Variants in STK36 observed in about 807,000 individuals in gnomAD.
STK36 encodes serine/threonine kinase 36.
In STK36, 116 loss-of-function variants were observed where a neutral mutation model predicts 142.2. The ratio of observed to expected loss-of-function variants is 0.82; its 90% CI spans 0.70 to 0.95. The LOEUF is 0.95. STK36 is among the 40% of genes least tolerant of loss of function. The pLI, the probability that STK36 is intolerant of heterozygous loss-of-function variation, is 0.00. For synonymous variants in STK36, 619 were observed against 641.7 expected (o/e 0.96, Z 0.53); for missense variants, 1,422 against 1,617.2 (o/e 0.88, Z 2.07).
chr2:218,700,620 T>C (rs190051157), intron 26 of STK36, among the ~76,000 whole-genome samples: 9,109 of 149,168 alleles, frequency 0.061, 915 homozygotes, highest in African/African-American at 0.21. Flanking sequence ...AGGCTGGTCT[T>C]GAACTCCTGA....
chr2:218,673,675 G>A lies in STK36; in HGVS notation c.135G>A (p.Leu45=). The change falls in exon 3 of 27, where the codon CTG becomes CTA. Residue 45 remains leucine (L), a synonymous_variant. Transcript: ENST00000295709. ...AATTGGGGCGCTCAGAGAAGGAGCT[G>A]AGGAATTTGCAACGAGAGATTGAAA... ...IPKLGRSEKE[L]RNLQREIEIM... is the part of the protein sequence containing the mutation. 1 of 1,614,212 alleles carries A rather than the reference G, an allele frequency of 6.2e-7. No individual in the cohort carries two copies. The highest frequency in any genetic ancestry group is 8.5e-7 in the Non-Finnish European group (1 of 1,180,034).
At position 218,694,584 on chromosome 2, in the gene STK36, GC is replaced by G. The variant is rs1941152488; in HGVS notation, c.2463del (p.Met822TrpfsTer19). On this transcript the variant is annotated frameshift_variant, in exon 21 of 27. Coordinates refer to ENST00000295709, the MANE Select transcript of STK36 (RefSeq NM_015690.5). LOFTEE classifies it high-confidence loss of function. The surrounding 1 kb of genome is among the most constrained non-coding windows in gnomAD (Gnocchi z 4.4). ...GQQGVTFDLQ[P>X]MEWMAAATHA... ...AGCAAGGGGTGACCTTTGACCTCCA[GC>G]CCATGGAATGGATGGCTGCAGCCAC... 2 of 1,614,114 alleles carry G rather than the reference GC, an allele frequency of 1.2e-6. No homozygotes were observed. The highest frequency in any genetic ancestry group is 1.3e-5 in the African/African-American group (1 of 74,942).
At chr2:218,680,784 C>T (rs1401158171) in intron 10 of STK36, 82 bp downstream of exon 10, 3 of 1,204,372 alleles carry the variant, frequency 2.5e-6, no homozygotes, top group Non-Finnish European at 3.6e-6. Flanking sequence ...AACAGTGATT[C>T]CCAACTCCCT....
Position 218,673,208 on chromosome 2 carries a change from A to G in STK36, c.84+295A>G, listed in dbSNP as rs550437041. 1.4e-3 allele frequency: 539 copies of G among 399,222 alleles called. 2 individuals carry two copies. Among genetic ancestry groups the G allele is most frequent in the African/African-American group, 0.01 (503 of 49,790 alleles). 24.7% of individuals were successfully genotyped at this position (399,222 alleles called of 1,614,324 possible). On this transcript the variant is annotated intron_variant, in intron 2 of 26. Transcript: ENST00000295709. ...GATTGATGGAGTTTGAGGATTAAAT[A>G]TGTTTTCACATTAAATCACTTAGTA...
At chr2:218,693,651 T>G (rs1374223845) in intron 17 of STK36, 72 bp from the exon 18 acceptor site, 3 of 1,411,892 alleles carry the variant, frequency 2.1e-6, no homozygotes, top group Non-Finnish European at 2.9e-6. Context: ...GGCCGGTGTT[T>G]CCGCTGAGCC....
At position 218,694,137 on chromosome 2, in the gene STK36, C is replaced by T; in HGVS notation, c.2337-127C>T. 8.6e-7 allele frequency: 1 copy of T among 1,160,892 alleles called. No homozygotes were observed. Among genetic ancestry groups the T allele is most frequent in the Admixed American group, 1.7e-5 (1 of 57,734 alleles). The allele number at this position is 1,160,892 out of a possible 1,614,324, so 71.9% of individuals were successfully genotyped here. A position where few individuals can be genotyped will look rare whatever the true frequency, so the allele number is the denominator to read the frequency against. ...CTCTACAAAGAACAGACCTAGACTCCCATCAACTTTGTGCCTTGGAGGTAG... is the reference window on the plus strand; with the variant it reads ...CTCTACAAAGAACAGACCTAGACTCTCATCAACTTTGTGCCTTGGAGGTAG... On this transcript the variant is annotated intron_variant, in intron 19 of 26. Transcript: ENST00000295709. This position sits in a 1 kb window ranked among gnomAD's most constrained non-coding sequence, Gnocchi z 4.4.
At chr2:218,675,577 T>G (rs917079811) in intron 5 of STK36, 104 bp downstream of exon 5, 324 of 1,360,130 alleles carry the variant, frequency 2.4e-4, no homozygotes, top group Non-Finnish European at 5.7e-5. Context: ...CAGGCTGAAG[T>G]GCAATGGTGC....
chr2:218,694,934 C>T lies in STK36; in HGVS notation c.2511+299C>T, dbSNP rs529417887. On this transcript the variant is annotated intron_variant, in intron 21 of 26. Transcript: ENST00000295709. The surrounding 1 kb of genome is among the most constrained non-coding windows in gnomAD (Gnocchi z 4.4). Reference sequence around the variant, plus strand: ...AGTAGTGTGAGAACCCTGCCTGCTTCGTTCTCCTCCTCCAGAAGCTCATGC... The same window carrying T: ...AGTAGTGTGAGAACCCTGCCTGCTTTGTTCTCCTCCTCCAGAAGCTCATGC... Among the ~76,000 whole-genome samples the T allele has an allele frequency of 1.0e-3, 159 of 152,172 alleles. No homozygotes were observed. Among genetic ancestry groups the T allele is most frequent in the Non-Finnish European group, 1.8e-3 (124 of 68,030 alleles).
intron 21 of STK36, among the ~76,000 whole-genome samples, chr2:218,695,429 T>G (rs1941193143): frequency 6.6e-6 from 1 of 151,516 alleles, no homozygotes; most frequent in South Asian, 2.1e-4. Flanking sequence ...TTTCTCCATG[T>G]TGGTCAGGCT....
chr2:218,695,975 T>C (rs566515760), intron 21 of STK36, among the ~76,000 whole-genome samples: 7 of 150,348 alleles, frequency 4.7e-5, no homozygotes, highest in African/African-American at 1.7e-4. Flanking sequence ...GCGATTCTCC[T>C]GCCTTATCCT....
Position 218,702,138 on chromosome 2 carries a change from C to T in STK36, c.*129C>T. The T allele has an allele frequency of 3.5e-6, 4 of 1,152,754 alleles. No homozygotes were observed. Among genetic ancestry groups the T allele is most frequent in the Non-Finnish European group, 4.8e-6 (4 of 835,192 alleles). 71.4% of individuals were successfully genotyped at this position (1,152,754 alleles called of 1,614,324 possible). Reference sequence around the variant, plus strand: ...GATAAGCTGCCAACTCAACTGAGAACAAGAAACTAGAAGAGATTTATATAT... The same window carrying T: ...GATAAGCTGCCAACTCAACTGAGAATAAGAAACTAGAAGAGATTTATATAT... On this transcript the variant is annotated 3_prime_UTR_variant, in exon 27 of 27. Transcript: ENST00000295709.
Position 218,694,377 on chromosome 2 carries a change from C to G in STK36, c.2400+50C>G, listed in dbSNP as rs745922452. 7 of 1,573,016 alleles carry G rather than the reference C, an allele frequency of 4.5e-6. No homozygotes were observed. Among genetic ancestry groups the G allele is most frequent in the Non-Finnish European group, 6.1e-6 (7 of 1,142,840 alleles). ...TCCCCTTTTCACCCTAGCATCTACC[C>G]CTTGTGGAAGTGGGGGAGTCACTAT... On this transcript the variant is annotated intron_variant, in intron 20 of 26. Transcript: ENST00000295709. The surrounding 1 kb of genome is among the most constrained non-coding windows in gnomAD (Gnocchi z 4.4).
intron 4 of STK36, among the ~76,000 whole-genome samples, chr2:218,674,162 C>T (rs1255929017): frequency 6.6e-6 from 1 of 152,226 alleles, no homozygotes; most frequent in East Asian, 1.9e-4. Context: ...CTTGGCTCTG[C>T]TCCTTCCTAG....
At position 218,672,091 on chromosome 2, in the gene STK36, G is replaced by A; in HGVS notation, c.-214G>A. The stretch of plus-strand genomic sequence containing the variant: ...ACCGCAGACTCCGGGTCCTTAGCCG[G>A]GCCTGATGGCCCTGAGGCAGTTCGG... On this transcript the variant is annotated 5_prime_UTR_variant, in exon 1 of 27. Coordinates refer to ENST00000295709, the MANE Select transcript of STK36 (RefSeq NM_015690.5). 8.0e-7 allele frequency: 1 copy of A among 1,249,618 alleles called. No individual in the cohort carries two copies. Among genetic ancestry groups the A allele is most frequent in the Non-Finnish European group, 1.1e-6 (1 of 869,990 alleles). 77.4% of individuals were successfully genotyped at this position (1,249,618 alleles called of 1,614,324 possible).
In STK36 at chr2:218,685,936, CCATTT is replaced by C. The variant is rs1442893443; in HGVS notation, c.1380+709_1380+713del. Among the ~76,000 whole-genome samples the C allele has an allele frequency of 6.6e-5, 10 of 151,914 alleles. No individual in the cohort carries two copies. The South Asian group carries it at 1.7e-3, about 25-fold the overall frequency. Reference sequence around the variant, plus strand: ...ATCACCCCAGTAAAATCCCTCATACCCATTTACGGTTTTTTTTTTGAGACGGAATC... The same window carrying C: ...ATCACCCCAGTAAAATCCCTCATACCACGGTTTTTTTTTTGAGACGGAATC... On this transcript the variant is annotated intron_variant, in intron 11 of 26. Transcript: ENST00000295709.
intron 10 of STK36, 25 bp from the exon 11 acceptor site, chr2:218,685,060 C>T (rs560912346): frequency 3.7e-6 from 6 of 1,613,542 alleles, no homozygotes; most frequent in Admixed American, 1.7e-5. Flanking sequence ...CTACTCCTGA[C>T]CCCTTTCACT....
chr2:218,701,306 T>A (rs1314692722), intron 26 of STK36, among the ~76,000 whole-genome samples: 1 of 146,016 alleles, frequency 6.8e-6, no homozygotes. Context: ...TAATTTTTTG[T>A]ATTTTTTTTT....
intron 26 of STK36, among the ~76,000 whole-genome samples, chr2:218,700,700 C>A (rs930171697): frequency 2.0e-5 from 3 of 151,732 alleles, no homozygotes; most frequent in Non-Finnish European, 4.4e-5. Context: ...CCTGCCTGAC[C>A]GCGATTTTCA....
At position 218,685,074 on chromosome 2, in the gene STK36, C is replaced by T. The variant is rs1021628814; in HGVS notation, c.1237-11C>T. 1 of 1,614,006 alleles carries T rather than the reference C, an allele frequency of 6.2e-7. No individual in the cohort carries two copies. The highest frequency in any genetic ancestry group is 8.5e-7 in the Non-Finnish European group (1 of 1,179,926). On this transcript the variant is annotated splice_polypyrimidine_tract_variant and intron_variant, in intron 10 of 26. Coordinates refer to ENST00000295709, the MANE Select transcript of STK36 (RefSeq NM_015690.5). ...ACTACTCCTGACCCCTTTCACTCCC[C>T]TCTGCCTCAGGAGCCAGACAGTGAC...
Sources: gnomAD v4.1 joint callset for allele counts (sites outside exome capture counted in the v4.1 genomes callset) on GRCh38, gnomAD v4.1.1 for gene constraint, Gnocchi (gnomAD v3.1) non-coding constraint, MANE v1.5 for transcripts, NCBI Gene and HGNC (gene_info 2026-07-23, HGNC 2026-07-21) for gene names.